Variants in ZNF799 observed in about 807,000 individuals in gnomAD.
ZNF799 encodes zinc finger protein 14.
ZNF799 carries 28 observed loss-of-function variants against 41.0 expected under a neutral mutation model. The observed-to-expected ratio is 0.68, with a 90% confidence interval of 0.51 to 0.94. ZNF799 has a LOEUF of 0.94. Ranked by LOEUF, ZNF799 falls within the 40% of genes least tolerant of loss-of-function variation. ZNF799 has a pLI of 0.00. For synonymous variants in ZNF799, 213 were observed against 252.9 expected, an observed-to-expected ratio of 0.84 and a Z score of 1.50; for missense variants, 716 against 764.3, an observed-to-expected ratio of 0.94 and a Z score of 0.74.
At position 12,391,893 on chromosome 19, in the gene ZNF799, A is replaced by G. The variant is rs376990350; in HGVS notation, c.505T>C (p.Tyr169His). Residue 169 changes from tyrosine to histidine, a missense_variant, in exon 4 of 4, where the codon TAT (tyrosine) becomes CAT (histidine). Physicochemically the swap from Tyr to His is moderately conservative, Grantham distance 83 (BLOSUM62 2). Around this residue, in one of 2 missense-constraint regions of ZNF799, gnomAD observed 698 missense variants for 713.6 expected, o/e 0.98. Coordinates refer to ENST00000430385, the MANE Select transcript of ZNF799 (RefSeq NM_001080821.3). ...GACTTCCCACATTCTTTACAATTAT[A>G]TGGTTTCTTTCCAGTGTGAAGCCTC... ...HERLHTGKKP[Y>H]NCKECGKSFS... is the part of the protein sequence containing the mutation. The G allele has an allele frequency of 9.3e-6, 15 of 1,614,048 alleles. No individual in the cohort carries two copies. The African/African-American group carries it at 2.0e-4, about 22-fold the overall frequency.
At chr19:12,398,360 C>A (rs1969931001) in intron 1 of ZNF799, 1 of 151,744 alleles carries the variant, frequency 6.6e-6, no homozygotes, top group Non-Finnish European at 1.5e-5. Context: ...CCCTTCTATG[C>A]TTTACATGGA....
At chr19:12,396,887 G>C (rs1183389898) in intron 1 of ZNF799, among the ~76,000 whole-genome samples, 1 of 152,052 alleles carries the variant, frequency 6.6e-6, no homozygotes, top group African/African-American at 2.4e-5. Context: ...GTTCATCAGA[G>C]AGAAGAAAAA....
Position 12,391,135 on chromosome 19 carries a change from A to T in ZNF799, c.1263T>A (p.Tyr421Ter). The change falls in exon 4 of 4, where the codon TAT becomes TAA. Residue 421 changes from tyrosine to a stop codon, truncating the protein, a stop_gained. Transcript: ENST00000430385. LOFTEE classifies it high-confidence loss of function. ...HEKTHTAEKP[Y>*]KCKQCGKAYR... The stretch of plus-strand genomic sequence containing the variant: ...AGGCTTTGCCACATTGTTTACATTT[A>T]TAGGGTTTCTCTGCAGTGTGAGTCT... The T allele has an allele frequency of 6.2e-7, 1 of 1,614,184 alleles. No homozygotes were observed. The highest frequency in any genetic ancestry group is 8.5e-7 in the Non-Finnish European group (1 of 1,180,008).
chr19:12,409,293 G>A, the ZNF799 span, among the ~76,000 whole-genome samples: 934 of 152,268 alleles, frequency 6.1e-3, 10 homozygotes, highest in African/African-American at 0.021. Context: ...ATGTGCAGGC[G>A]GTAATGCTTA....
rs565824642 is a variant in ZNF799 at position 12,391,539 on chromosome 19, C to T, written c.859G>A (p.Gly287Arg). The T allele has an allele frequency of 1.4e-5, 23 of 1,614,012 alleles. No individual in the cohort carries two copies. Among genetic ancestry groups the T allele is most frequent in the Non-Finnish European group, 1.6e-5 (19 of 1,180,004 alleles). Reference sequence around the variant, plus strand: ...GAAGTGGAAGCACTGAAGGCTTTCCCACATTGTTTACATGTATAGGGTTTC... The same window carrying T: ...GAAGTGGAAGCACTGAAGGCTTTCCTACATTGTTTACATGTATAGGGTTTC... ...GKKPYTCKQC[G>R]KAFSASTSLR... The change falls in exon 4 of 4, where the codon GGG becomes AGG. Residue 287 changes from glycine to arginine, a missense_variant. Gly to Arg is a moderately radical substitution (Grantham distance 125, BLOSUM62 -2). Transcript: ENST00000430385.
chr19:12,401,229 C>T lies in ZNF799; in HGVS notation c.-159G>A. 1 of 1,471,272 alleles carries T rather than the reference C, an allele frequency of 6.8e-7. No homozygotes were observed. Among genetic ancestry groups the T allele is most frequent in the South Asian group, 1.3e-5 (1 of 76,688 alleles). 91.1% of individuals were successfully genotyped at this position (1,471,272 alleles called of 1,614,324 possible). A position where few individuals can be genotyped will look rare whatever the true frequency, so the allele number is the denominator to read the frequency against. On this transcript the variant is annotated 5_prime_UTR_variant, in exon 1 of 4. Coordinates refer to ENST00000430385, the MANE Select transcript of ZNF799 (RefSeq NM_001080821.3). ...AGGTGGGTGGAGAAGACGCCGCGGG[C>T]TTTTTCAACCACACACTCCTCTGGG...
chr19:12,391,281 C>G lies in ZNF799; in HGVS notation c.1117G>C (p.Ala373Pro). 1 of 1,614,166 alleles carries G rather than the reference C, an allele frequency of 6.2e-7. No individual in the cohort carries two copies. The highest frequency in any genetic ancestry group is 1.3e-5 in the African/African-American group (1 of 75,054). ...CGAAAGCTTGAGCTATGAGATAACG[C>G]TTTCCCACACTGCTTGCATTCATAG... ...KLYECKQCGK[A>P]LSHSSSFRRH... is the part of the protein sequence containing the mutation. The change falls in exon 4 of 4, where the codon GCG (alanine) becomes CCG (proline). Residue 373 changes from alanine to proline, a missense_variant. This residue lies in a region of ZNF799 where 698 missense variants were observed against 713.6 expected (regional missense o/e 0.98). Transcript: ENST00000430385.
At chr19:12,410,043 G>A in the ZNF799 span, among the ~76,000 whole-genome samples, 1 of 151,960 alleles carries the variant, frequency 6.6e-6, no homozygotes, top group African/African-American at 2.4e-5. Context: ...AGATACTCGG[G>A]AAGCTGAGGC....
At chr19:12,403,021 T>A (rs1388289789), upstream of ZNF799, among the ~76,000 whole-genome samples, 1 of 152,236 alleles carries the variant, frequency 6.6e-6, no homozygotes, top group Admixed American at 6.5e-5. Context: ...TAGTTCTTTT[T>A]TAAATGTTAG....
At chr19:12,410,408 A>T in the ZNF799 span, among the ~76,000 whole-genome samples, 2 of 151,628 alleles carry the variant, frequency 1.3e-5, no homozygotes, top group African/African-American at 2.4e-5. Flanking sequence ...TGTTGGGATT[A>T]CAAGCATGAA....
rs760347871 is a variant in ZNF799, at chr19:12,401,101, C to T, written c.-31G>A. On this transcript the variant is annotated 5_prime_UTR_variant, in exon 1 of 4. Transcript: ENST00000430385. ...GACTTCCGCGGTGTCCCAGGTCCTC[C>T]GGACGGCTCCCGCTGCCAATGCGGG... The T allele has an allele frequency of 3.1e-6, 5 of 1,613,566 alleles. No individual in the cohort carries two copies. The African/African-American group carries it at 4.0e-5, about 13-fold the overall frequency.
intron 1 of ZNF799, among the ~76,000 whole-genome samples, chr19:12,398,928 G>T (rs1969939122): frequency 1.3e-5 from 2 of 152,036 alleles, no homozygotes; most frequent in Non-Finnish European, 2.9e-5. Context: ...TTAAAAAATG[G>T]AATAGAAGAT....
At chr19:12,407,485 G>GA in the ZNF799 span, among the ~76,000 whole-genome samples, 8 of 149,134 alleles carry the variant, frequency 5.4e-5, no homozygotes, top group South Asian at 4.2e-4. Flanking sequence ...GAGAGAGAGA[G>GA]AAAAAAAAAG....
At chr19:12,403,503 A>G (rs1261534155), upstream of ZNF799, among the ~76,000 whole-genome samples, 3 of 149,130 alleles carry the variant, frequency 2.0e-5, no homozygotes, top group Admixed American at 1.3e-4. Context: ...AATTCTTTAA[A>G]ATGCATTCTT....
Position 12,391,725 on chromosome 19 carries a change from A to C in ZNF799, c.673T>G (p.Tyr225Asp). The C allele has an allele frequency of 1.2e-6, 2 of 1,614,160 alleles. No individual in the cohort carries two copies. Among genetic ancestry groups the C allele is most frequent in the South Asian group, 2.2e-5 (2 of 91,074 alleles). ...HERTHTGEKP[Y>D]ECKQCSKAFS... is the part of the protein sequence containing the mutation. ...GCTTTAGAACACTGCTTACATTCAT[A>C]TGGTTTCTCTCCAGTGTGCGTTCTC... Residue 225 changes from tyrosine to aspartate, a missense_variant, in exon 4 of 4, where the codon TAT becomes GAT. This residue lies in a region of ZNF799 where 698 missense variants were observed against 713.6 expected (regional missense o/e 0.98). Coordinates refer to ENST00000430385, the MANE Select transcript of ZNF799 (RefSeq NM_001080821.3).
chr19:12,398,270 A>G (rs1233195380), intron 1 of ZNF799: 1 of 154,376 alleles, frequency 6.5e-6, no homozygotes, highest in Non-Finnish European at 1.4e-5. Context: ...AAAAAAAAAA[A>G]AAAAAAAAAA....
At chr19:12,412,509 G>T in the ZNF799 span, among the ~76,000 whole-genome samples, 1 of 150,584 alleles carries the variant, frequency 6.6e-6, no homozygotes, top group Non-Finnish European at 1.5e-5. Flanking sequence ...TCTTGGCTGC[G>T]GCTGTCTTGG....
rs982161587 is a variant in ZNF799, at chr19:12,394,588, C to T, written c.4-1165G>A. 3.7e-5 allele frequency: 36 copies of T among 985,002 alleles called. No homozygotes were observed. In the African/African-American group the frequency reaches 5.9e-4, roughly 16 times the overall value. The allele number at this position is 985,002 out of a possible 1,614,324, so 61.0% of individuals were successfully genotyped here. A position where few individuals can be genotyped will look rare whatever the true frequency, so the allele number is the denominator to read the frequency against. The stretch of plus-strand genomic sequence containing the variant: ...TTAGATCAAATGTACTGAAGTATGA[C>T]AACAGACTGAGAAAAGATATTACAC... On this transcript the variant is annotated intron_variant, in intron 1 of 3. Transcript: ENST00000430385.
chr19:12,401,123 C>T lies in ZNF799; in HGVS notation c.-53G>A. 6 of 1,612,846 alleles carry T rather than the reference C, an allele frequency of 3.7e-6. No individual in the cohort carries two copies. Among genetic ancestry groups the T allele is most frequent in the Middle Eastern group, 1.7e-4 (1 of 6,058 alleles). Reference sequence around the variant, plus strand: ...CTCCGGACGGCTCCCGCTGCCAATGCGGGTTCCCGCGGGACACAGGCTGCC... The same window carrying T: ...CTCCGGACGGCTCCCGCTGCCAATGTGGGTTCCCGCGGGACACAGGCTGCC... On this transcript the variant is annotated 5_prime_UTR_variant, in exon 1 of 4. Transcript: ENST00000430385.
Sources: allele counts gnomAD v4.1 joint callset (sites outside exome capture counted in the v4.1 genomes callset), GRCh38; gene constraint gnomAD v4.1.1; regional missense constraint gnomAD v4.1.1; transcripts MANE v1.5; gene names NCBI Gene and HGNC (gene_info 2026-07-23, HGNC 2026-07-21).